ACADL: variants seen among roughly 807,000 people sequenced by gnomAD.
ACADL encodes long-chain specific acyl-CoA dehydrogenase, mitochondrial.
A neutral mutation model predicts 56.9 loss-of-function variants in ACADL; 60 were observed. The observed-to-expected ratio is 1.05, with a 90% CI of 0.86 to 1.31. The LOEUF is 1.31. Ranked by LOEUF, ACADL falls within the 50% of genes most tolerant of loss-of-function variation. The probability of loss-of-function intolerance (pLI) is 0.00; values close to 1 mark genes in which losing one functional copy is unlikely to be tolerated. For synonymous variants in ACADL, 158 were observed against 179.7 expected, an observed-to-expected ratio of 0.88 and a Z score of 0.97; for missense variants, 484 against 525.5, an observed-to-expected ratio of 0.92 and a Z score of 0.77.
rs1465592229 is a variant in ACADL, at chr2:210,203,393, C to T, written c.922G>A (p.Glu308Lys). The change falls in exon 8 of 11, where the codon GAA becomes AAA. Residue 308 changes from glutamate to lysine, a missense_variant. Glu to Lys is a moderately conservative substitution (Grantham distance 56). Coordinates refer to ENST00000233710, the MANE Select transcript of ACADL (RefSeq NM_001608.4). Reference protein sequence around the residue: ...VAISASEFMFEETRNYVKQRK... With the variant: ...VAISASEFMFKETRNYVKQRK... ...TGTTTAACATAGTTCCTGGTTTCTT[C>T]AAACATGAATTCACTAGCTGAAATT... 1.2e-5 allele frequency: 19 copies of T among 1,604,494 alleles called. 1 individual carries two copies. Among genetic ancestry groups the T allele is most frequent in the Non-Finnish European group, 1.5e-5 (18 of 1,172,302 alleles).
rs150159421 is a variant in ACADL at position 210,203,411 on chromosome 2, C to A, written c.904G>T (p.Ala302Ser). Residue 302 changes from alanine to serine, a missense_variant, in exon 8 of 11, where the codon GCT becomes TCT. Coordinates refer to ENST00000233710, the MANE Select transcript of ACADL (RefSeq NM_001608.4). ...GTTTCTTCAAACATGAATTCACTAG[C>A]TGAAATTGCCACATCAGCAATTAAC... is the stretch of plus-strand genomic sequence containing the variant. Reference protein sequence around the residue: ...RLLIADVAISASEFMFEETRN... With the variant: ...RLLIADVAISSSEFMFEETRN... 10 of 1,611,906 alleles carry A rather than the reference C, an allele frequency of 6.2e-6. No individual in the cohort carries two copies. The highest frequency in any genetic ancestry group is 1.3e-5 in the African/African-American group (1 of 74,870).
At chr2:210,219,474 C>G (rs1287114530) in intron 2 of ACADL, among the ~76,000 whole-genome samples, 1 of 152,078 alleles carries the variant, frequency 6.6e-6, no homozygotes, top group Non-Finnish European at 1.5e-5. Context: ...AAAAAACACA[C>G]AAACACACAA....
chr2:210,221,814 C>T (rs1187465677), intron 1 of ACADL, among the ~76,000 whole-genome samples: 6 of 151,002 alleles, frequency 4.0e-5, no homozygotes, highest in Non-Finnish European at 7.4e-5. Flanking sequence ...CTGCAACCTT[C>T]GCCTTCCCGG....
intron 10 of ACADL, among the ~76,000 whole-genome samples, chr2:210,191,831 CTAAA>C (rs1294890478): frequency 2.0e-5 from 3 of 151,716 alleles, no homozygotes; most frequent in African/African-American, 7.3e-5. Context: ...AAAATCATTG[CTAAA>C]TAATCAGAAA....
intron 5 of ACADL, among the ~76,000 whole-genome samples, chr2:210,206,470 A>C (rs1297337201): frequency 6.6e-6 from 1 of 152,070 alleles, no homozygotes; most frequent in East Asian, 1.9e-4. Flanking sequence ...AATAAAAAGA[A>C]AGAAAATCTG....
chr2:210,191,206 C>T (rs955902810), intron 10 of ACADL, among the ~76,000 whole-genome samples: 1 of 152,074 alleles, frequency 6.6e-6, no homozygotes, highest in Non-Finnish European at 1.5e-5. Context: ...AGCCACCGCA[C>T]GTGGCCTCAG....
rs144111589 is a variant in ACADL at position 210,205,717 on chromosome 2, T to C, written c.683A>G (p.His228Arg). The part of the protein sequence containing the change: ...VTNHEAPSPA[H>R]GISLFLVENG... ...TTCCACCAGAAAAAGGCTAATACCA[T>C]GGGCAGGGGAGGGAGCTTCATGATT... Residue 228 changes from histidine to arginine, a missense_variant, in exon 6 of 11, where the codon CAT becomes CGT. Physicochemically the swap from His to Arg is conservative, Grantham distance 29. Transcript: ENST00000233710. The C allele has an allele frequency of 5.0e-5, 81 of 1,613,866 alleles. No homozygotes were observed. The highest frequency in any genetic ancestry group is 6.4e-5 in the Non-Finnish European group (76 of 1,179,954).
In ACADL at chr2:210,204,231, A is replaced by G. The variant is rs929757312; in HGVS notation, c.870+350T>C. Reference sequence around the variant, plus strand: ...CTTTGATTCACAGTTATTATTTAAAAACTGGCAAACTATCAAATGTTTTGC... The same window carrying G: ...CTTTGATTCACAGTTATTATTTAAAGACTGGCAAACTATCAAATGTTTTGC... On this transcript the variant is annotated intron_variant, in intron 7 of 10. Transcript: ENST00000233710. Among the ~76,000 whole-genome samples, 7 of 152,230 alleles carry G rather than the reference A, an allele frequency of 4.6e-5. 1 individual carries two copies. Among genetic ancestry groups the G allele is most frequent in the African/African-American group, 1.7e-4 (7 of 41,462 alleles).
chr2:210,191,860 G>A (rs896690494), intron 10 of ACADL, among the ~76,000 whole-genome samples: 3 of 151,962 alleles, frequency 2.0e-5, no homozygotes, highest in African/African-American at 7.2e-5. Flanking sequence ...TATTTTCTAG[G>A]GTGATGAGGA....
intron 7 of ACADL, 27 bp from the exon 8 acceptor site, chr2:210,203,471 C>A (rs1042213704): frequency 8.4e-6 from 12 of 1,425,596 alleles, no homozygotes; most frequent in Non-Finnish European, 1.2e-5. Context: ...AGGTCTTAAA[C>A]ATTACTCTAA....
intron 3 of ACADL, among the ~76,000 whole-genome samples, chr2:210,217,037 T>C (rs1481431112): frequency 6.7e-6 from 1 of 149,848 alleles, no homozygotes; most frequent in Non-Finnish European, 1.5e-5. Flanking sequence ...CAAATAAAAA[T>C]TTAAAATTTA....
intron 4 of ACADL, among the ~76,000 whole-genome samples, chr2:210,212,079 C>A (rs773886407): frequency 1.3e-5 from 2 of 151,690 alleles, no homozygotes; most frequent in Non-Finnish European, 2.9e-5. Flanking sequence ...TTGATCTGCA[C>A]ACCTTGGCCT....
chr2:210,198,548 G>A lies in ACADL; in HGVS notation c.985-3210C>T, dbSNP rs191600544. ...AGAAAAAACATTCCATTTTCACTTC[G>A]TTGCCCACTGAGTGAAGGAAATAGG... On this transcript the variant is annotated intron_variant, in intron 8 of 10. Coordinates refer to ENST00000233710, the MANE Select transcript of ACADL (RefSeq NM_001608.4). Among the ~76,000 whole-genome samples the A allele has an allele frequency of 4.1e-4, 63 of 151,954 alleles. 1 individual carries two copies. Among genetic ancestry groups the A allele is most frequent in the Admixed American group, 2.3e-3 (35 of 15,244 alleles).
chr2:210,214,509 A>AAGAAAGAAAGAAAGAAAG lies in ACADL; in HGVS notation c.536+1837_536+1838insCTTTCTTTCTTTCTTTCT, dbSNP rs1553690970. The stretch of plus-strand genomic sequence containing the variant: ...AAAGAAAGAAAGAAAGAAAGAAAGA[A>AAGAAAGAAAGAAAGAAAG]AAAGAAAGAAAGAAAGAAAGAAATC... On this transcript the variant is annotated intron_variant, in intron 4 of 10. Coordinates refer to ENST00000233710, the MANE Select transcript of ACADL (RefSeq NM_001608.4). Among the ~76,000 whole-genome samples, 182 of 18,858 alleles carry AAGAAAGAAAGAAAGAAAG rather than the reference A, an allele frequency of 9.7e-3. 1 individual carries two copies. The highest frequency in any genetic ancestry group is 0.014 in the African/African-American group (172 of 12,000). The allele number at this position is 18,858 out of a possible 152,430, so 12.4% of individuals were successfully genotyped here. A position where few individuals can be genotyped will look rare whatever the true frequency, so the allele number is the denominator to read the frequency against.
intron 4 of ACADL, among the ~76,000 whole-genome samples, chr2:210,211,441 A>G (rs971402487): frequency 2.0e-5 from 3 of 152,180 alleles, no homozygotes; most frequent in African/African-American, 7.2e-5. Context: ...GTCCCTACCC[A>G]AATCTCATGT....
chr2:210,203,541 A>C lies in ACADL; in HGVS notation c.871-97T>G, dbSNP rs906596695. On this transcript the variant is annotated intron_variant, in intron 7 of 10. Coordinates refer to ENST00000233710, the MANE Select transcript of ACADL (RefSeq NM_001608.4). ...ATAAATCCTATAAATTATCTTTATA[A>C]TAAACTCATAAAGATTAATTTATAT... 2.8e-5 allele frequency: 21 copies of C among 747,872 alleles called. No homozygotes were observed. In the African/African-American group the frequency reaches 3.5e-4, roughly 13 times the overall value. 46.3% of individuals were successfully genotyped at this position (747,872 alleles called of 1,614,324 possible).
At chr2:210,218,252 C>T in intron 2 of ACADL, 150 bp from the exon 3 acceptor site, 1 of 603,546 alleles carries the variant, frequency 1.7e-6, no homozygotes, top group Non-Finnish European at 2.8e-6. Context: ...TTGCCTCTGA[C>T]TCTTTTATCA....
At chr2:210,189,742 T>C (rs1688602177) in intron 10 of ACADL, among the ~76,000 whole-genome samples, 1 of 152,164 alleles carries the variant, frequency 6.6e-6, no homozygotes, top group Admixed American at 6.5e-5. Context: ...TTTTTATCTT[T>C]TCTCATCTCA....
At chr2:210,190,287 CA>C (rs1688610346) in intron 10 of ACADL, among the ~76,000 whole-genome samples, 1 of 152,092 alleles carries the variant, frequency 6.6e-6, no homozygotes, top group South Asian at 2.1e-4. Flanking sequence ...TGTTTTCAAA[CA>C]TTTTTTTCTG....
Sources: gnomAD v4.1 joint callset for allele counts (sites outside exome capture counted in the v4.1 genomes callset) on GRCh38, gnomAD v4.1.1 for gene constraint, MANE v1.5 for transcripts, NCBI Gene and HGNC (gene_info 2026-07-23, HGNC 2026-07-21) for gene names.